CD1B: variants seen among roughly 807,000 people sequenced by gnomAD.
The protein encoded by CD1B is CD1b molecule, also known as T-cell surface glycoprotein CD1b.
A neutral mutation model predicts 39.8 loss-of-function variants in CD1B; 43 were observed. The observed-to-expected ratio is 1.08, with a 90% confidence interval of 0.85 to 1.39. The LOEUF (loss-of-function observed/expected upper bound fraction) is 1.39. Among genes scored for constraint, CD1B ranks in the 40% most tolerant of loss-of-function variants. The probability of loss-of-function intolerance (pLI) is 0.00; values close to 1 mark genes in which losing one functional copy is unlikely to be tolerated. For missense variants in CD1B, 495 were observed against 403.8 expected (o/e 1.23, Z -1.94); for synonymous variants, 192 against 152.5 (o/e 1.26, Z -1.91).
At chr1:158,308,513 G>A in the CD1B span, among the ~76,000 whole-genome samples, 1,769 of 152,190 alleles carry the variant, frequency 0.012, 34 homozygotes, top group African/African-American at 0.041. Context: ...AAAAGAGCCC[G>A]CATTGCCAAG....
chr1:158,309,991 A>G, the CD1B span, among the ~76,000 whole-genome samples: 1 of 151,938 alleles, frequency 6.6e-6, no homozygotes, highest in Non-Finnish European at 1.5e-5. Flanking sequence ...TAATAAAAAA[A>G]AAAGAGTCTG....
rs748373854 is a variant in CD1B at position 158,329,429 on chromosome 1, C to T, written c.827G>A (p.Gly276Asp). Residue 276 changes from glycine (G) to aspartate (D), a missense_variant, in exon 4 of 6, where the codon GGC (glycine) becomes GAC (aspartate). Coordinates refer to ENST00000368168, the MANE Select transcript of CD1B (RefSeq NM_001764.3). ...GCTGTGCTTCACCCGACAGGACAGG[C>T]CAGCCGCCTCCCCATCTGCCACATC... ...TLDVADGEAAGLSCRVKHSSL... is the reference protein window; with the variant it reads ...TLDVADGEAADLSCRVKHSSL... 5 of 1,614,172 alleles carry T rather than the reference C, an allele frequency of 3.1e-6. No homozygotes were observed. The East Asian group carries it at 6.7e-5, about 22-fold the overall frequency.
downstream of CD1B, among the ~76,000 whole-genome samples, chr1:158,325,824 A>G (rs1475950071): frequency 3.9e-5 from 6 of 152,312 alleles, no homozygotes; most frequent in East Asian, 7.7e-4. Context: ...GCCACCTTCA[A>G]TATAACTTGT....
At chr1:158,323,497 G>A (rs985711133), downstream of CD1B, among the ~76,000 whole-genome samples, 1 of 152,058 alleles carries the variant, frequency 6.6e-6, no homozygotes. Context: ...CACTGGCATC[G>A]TGTTTTGTCT....
the CD1B span, among the ~76,000 whole-genome samples, chr1:158,314,478 G>A: frequency 6.6e-6 from 1 of 151,814 alleles, no homozygotes; most frequent in African/African-American, 2.4e-5. Context: ...TACATTTATC[G>A]TTGCTTCTCT....
chr1:158,305,923 C>T, the CD1B span, among the ~76,000 whole-genome samples: 32 of 152,142 alleles, frequency 2.1e-4, no homozygotes, highest in Middle Eastern at 3.4e-3. Flanking sequence ...CAAGAGCTCC[C>T]GAAGGAAGCA....
At chr1:158,320,305 G>T in the CD1B span, among the ~76,000 whole-genome samples, 35 of 152,320 alleles carry the variant, frequency 2.3e-4, no homozygotes, top group African/African-American at 7.7e-4. Context: ...CTAGCAATCA[G>T]CTAGACTCTG....
At chr1:158,302,651 T>C in the CD1B span, among the ~76,000 whole-genome samples, 1 of 152,168 alleles carries the variant, frequency 6.6e-6, no homozygotes, top group Non-Finnish European at 1.5e-5. Flanking sequence ...GATACTGTTA[T>C]GAACACCTCT....
chr1:158,292,230 G>GC, the CD1B span: 1 of 1,614,028 alleles, frequency 6.2e-7, no homozygotes, highest in African/African-American at 1.3e-5. Context: ...TGGAAGTTTG[G>GC]CCCAAAGTGT....
At chr1:158,307,673 C>T in the CD1B span, among the ~76,000 whole-genome samples, 1 of 152,098 alleles carries the variant, frequency 6.6e-6, no homozygotes. Flanking sequence ...AACATCGATG[C>T]AGAAATTCTC....
the CD1B span, among the ~76,000 whole-genome samples, chr1:158,306,083 A>C: frequency 6.8e-6 from 1 of 147,892 alleles, no homozygotes; most frequent in Non-Finnish European, 1.5e-5. Flanking sequence ...ACATAACAAT[A>C]TTAACTTTAA....
chr1:158,292,405 C>A, the CD1B span: 2 of 1,580,928 alleles, frequency 1.3e-6, no homozygotes, highest in South Asian at 1.2e-5. Flanking sequence ...TTTTTCTATT[C>A]AAGTACTGCC....
At chr1:158,327,463 G>C (rs544805287), downstream of CD1B, among the ~76,000 whole-genome samples, 2 of 152,110 alleles carry the variant, frequency 1.3e-5, no homozygotes, top group South Asian at 4.2e-4. Flanking sequence ...AGCAAGATGA[G>C]GAGAATCTAC....
At chr1:158,320,834 T>A in the CD1B span, among the ~76,000 whole-genome samples, 5 of 152,218 alleles carry the variant, frequency 3.3e-5, no homozygotes, top group Admixed American at 2.0e-4. Flanking sequence ...TTCCTCCTCT[T>A]ATTGATTTCT....
chr1:158,297,013 A>G, the CD1B span, among the ~76,000 whole-genome samples: 1 of 152,304 alleles, frequency 6.6e-6, no homozygotes, highest in African/African-American at 2.4e-5. Flanking sequence ...GTGTGCAAAC[A>G]ATTGAAAACA....
chr1:158,289,565 G>A, the CD1B span, among the ~76,000 whole-genome samples: 4 of 152,096 alleles, frequency 2.6e-5, no homozygotes, highest in African/African-American at 9.7e-5. Context: ...AAAACTTTGA[G>A]GACATTCAAA....
chr1:158,286,524 C>T, the CD1B span, among the ~76,000 whole-genome samples: 1 of 152,174 alleles, frequency 6.6e-6, no homozygotes, highest in Admixed American at 6.5e-5. Context: ...CTAAGGATCA[C>T]GTTTTCCATG....
the CD1B span, among the ~76,000 whole-genome samples, chr1:158,312,788 C>T: frequency 1.3e-5 from 2 of 152,182 alleles, no homozygotes; most frequent in East Asian, 3.9e-4. Flanking sequence ...GTTGTGATCT[C>T]CACAAACAGG....
downstream of CD1B, among the ~76,000 whole-genome samples, chr1:158,323,674 C>A (rs951018040): frequency 6.6e-6 from 1 of 152,190 alleles, no homozygotes; most frequent in African/African-American, 2.4e-5. Flanking sequence ...AATGTTAGAT[C>A]GCATGACTGC....
Sources: gnomAD v4.1 joint callset for allele counts (sites outside exome capture counted in the v4.1 genomes callset) on GRCh38, gnomAD v4.1.1 for gene constraint, MANE v1.5 for transcripts, NCBI Gene and HGNC (gene_info 2026-07-23, HGNC 2026-07-21) for gene names.